The following LRRC4C variants were observed in gnomAD, a reference collection of about 807,000 sequenced individuals.
LRRC4C encodes the protein leucine-rich repeat-containing protein 4C.
A neutral mutation model predicts 33.6 loss-of-function variants in LRRC4C; 5 were observed. The ratio of observed to expected loss-of-function variants is 0.15; its 90% CI spans 0.08 to 0.31. The LOEUF (loss-of-function observed/expected upper bound fraction) is 0.31, where lower values mean the gene tolerates loss of function less well. LRRC4C is among the 10% of genes least tolerant of loss of function. The pLI, the probability that LRRC4C is intolerant of heterozygous loss-of-function variation, is 1.00. For synonymous variants in LRRC4C, 329 were observed against 302.0 expected (o/e 1.09, Z -0.93); for missense variants, 560 against 796.7 (o/e 0.70, Z 3.58).
At chr11:40,593,578 C>T (rs1448116756) in intron 3 of LRRC4C, among the ~76,000 whole-genome samples, 1 of 152,164 alleles carries the variant, frequency 6.6e-6, no homozygotes, top group Non-Finnish European at 1.5e-5. Context: ...ATTGTACTAT[C>T]ACAAGAGTTT....
chr11:40,984,461 T>C (rs1852844787), intron 1 of LRRC4C, among the ~76,000 whole-genome samples: 1 of 151,804 alleles, frequency 6.6e-6, no homozygotes, highest in African/African-American at 2.4e-5. Context: ...CAGACAGACA[T>C]GACATTTGAG....
chr11:40,231,555 C>G (rs1487440152), intron 5 of LRRC4C, among the ~76,000 whole-genome samples: 1 of 152,112 alleles, frequency 6.6e-6, no homozygotes, highest in Non-Finnish European at 1.5e-5. Context: ...GTGCCAGGTA[C>G]TAAATCACTT....
intron 1 of LRRC4C, among the ~76,000 whole-genome samples, chr11:41,082,535 G>A (rs1194818034): frequency 6.8e-6 from 1 of 147,590 alleles, no homozygotes; most frequent in African/African-American, 2.5e-5. Flanking sequence ...TACATAGAAA[G>A]TCATTTAATT....
At chr11:40,856,602 GAT>G (rs1373445117) in intron 2 of LRRC4C, among the ~76,000 whole-genome samples, 2 of 152,196 alleles carry the variant, frequency 1.3e-5, no homozygotes, top group African/African-American at 4.8e-5. Flanking sequence ...AAATGCATAA[GAT>G]AGAGTATTCT....
At chr11:41,149,228 G>A (rs911783334) in intron 1 of LRRC4C, among the ~76,000 whole-genome samples, 13 of 152,118 alleles carry the variant, frequency 8.5e-5, no homozygotes, top group African/African-American at 2.4e-4. Flanking sequence ...GGCTGAGGCC[G>A]GGTGCGGTGG....
intron 1 of LRRC4C, among the ~76,000 whole-genome samples, chr11:41,169,368 G>C (rs907586905): frequency 6.6e-6 from 1 of 152,032 alleles, no homozygotes; most frequent in Admixed American, 6.6e-5. Context: ...ACATGTAATT[G>C]TACACCAATC....
At chr11:41,293,410 A>T (rs141984746) in intron 1 of LRRC4C, among the ~76,000 whole-genome samples, 1 of 152,108 alleles carries the variant, frequency 6.6e-6, no homozygotes, top group Non-Finnish European at 1.5e-5. Flanking sequence ...AGAAAAACGT[A>T]TATAGAACTA....
intron 5 of LRRC4C, among the ~76,000 whole-genome samples, chr11:40,226,677 G>T (rs1864823072): frequency 6.6e-6 from 1 of 152,096 alleles, no homozygotes; most frequent in Admixed American, 6.5e-5. Context: ...TCTGAGTTCT[G>T]TTTTGGCATC....
At chr11:40,700,954 A>G (rs1470187516) in intron 2 of LRRC4C, among the ~76,000 whole-genome samples, 1 of 152,172 alleles carries the variant, frequency 6.6e-6, no homozygotes, top group Admixed American at 6.5e-5. Flanking sequence ...ACTCCCCTCA[A>G]AGAAACTGGA....
At chr11:40,643,387 C>T (rs7479480) in intron 3 of LRRC4C, among the ~76,000 whole-genome samples, 25,171 of 152,088 alleles carry the variant, frequency 0.17, 2,492 homozygotes, top group Admixed American at 0.26. Context: ...ATGACAAGGT[C>T]CCCCCAATTT....
At chr11:40,234,714 C>T (rs1374749985) in intron 5 of LRRC4C, among the ~76,000 whole-genome samples, 6 of 152,098 alleles carry the variant, frequency 3.9e-5, no homozygotes, top group Admixed American at 1.3e-4. Flanking sequence ...AAGGCTGCAG[C>T]GAGCCATGAC....
intron 1 of LRRC4C, among the ~76,000 whole-genome samples, chr11:41,291,435 A>C (rs1399911096): frequency 1.3e-5 from 2 of 152,136 alleles, no homozygotes; most frequent in African/African-American, 4.8e-5. Flanking sequence ...ACTTTTGTCT[A>C]TTTAATTGTG....
chr11:41,337,188 G>A (rs1376620640), intron 1 of LRRC4C, among the ~76,000 whole-genome samples: 1 of 151,994 alleles, frequency 6.6e-6, no homozygotes, highest in African/African-American at 2.4e-5. Flanking sequence ...GGCACCACAG[G>A]TATGTGCTAC....
At chr11:40,382,684 A>ATTTTTT (rs35200000) in intron 3 of LRRC4C, among the ~76,000 whole-genome samples, 3 of 65,546 alleles carry the variant, frequency 4.6e-5, no homozygotes, top group African/African-American at 1.3e-4. Context: ...ACTTGTACTC[A>ATTTTTT]TTTTTTTTTT....
At chr11:40,902,995 AT>A (rs1445257778) in intron 2 of LRRC4C, among the ~76,000 whole-genome samples, 1 of 152,194 alleles carries the variant, frequency 6.6e-6, no homozygotes, top group Non-Finnish European at 1.5e-5. Flanking sequence ...CAAACAACAG[AT>A]TTTCAATGTA....
At chr11:40,582,513 GTT>G (rs35497785) in intron 3 of LRRC4C, among the ~76,000 whole-genome samples, 11,339 of 115,134 alleles carry the variant, frequency 0.098, 510 homozygotes, top group Middle Eastern at 0.15. Context: ...CCCTTGTTCA[GTT>G]TTTTTTTTTT....
At chr11:40,332,843 C>T (rs958237311) in intron 3 of LRRC4C, among the ~76,000 whole-genome samples, 1 of 152,132 alleles carries the variant, frequency 6.6e-6, no homozygotes, top group Non-Finnish European at 1.5e-5. Flanking sequence ...ATAGAGTTTC[C>T]TTCATCTTCT....
At chr11:40,660,790 C>T (rs1943393879) in intron 2 of LRRC4C, among the ~76,000 whole-genome samples, 1 of 152,138 alleles carries the variant, frequency 6.6e-6, no homozygotes, top group Admixed American at 6.5e-5. Flanking sequence ...TGATAATTTC[C>T]ACAAGAATAT....
At chr11:41,410,517 T>C (rs1954429674) in intron 1 of LRRC4C, among the ~76,000 whole-genome samples, 1 of 151,284 alleles carries the variant, frequency 6.6e-6, no homozygotes, top group South Asian at 2.1e-4. Context: ...CTCAGCTCAC[T>C]GCAAGCTCCA....
Sources: gnomAD v4.1 joint callset for allele counts (sites outside exome capture counted in the v4.1 genomes callset) on GRCh38, gnomAD v4.1.1 for gene constraint, MANE v1.5 for transcripts, NCBI Gene and HGNC (gene_info 2026-07-23, HGNC 2026-07-21) for gene names.